Variants in CDH13 observed in about 807,000 individuals in gnomAD.
The protein encoded by CDH13 is cadherin-13.
Under a neutral mutation model 63.8 loss-of-function variants are expected in CDH13, and 24 were observed. That is an observed-to-expected ratio of 0.38 (90% CI 0.27 to 0.53). CDH13 has a LOEUF of 0.53. Ranked by LOEUF, CDH13 falls within the 20% of genes least tolerant of loss-of-function variation. The pLI, the probability that CDH13 is intolerant of heterozygous loss-of-function variation, is 0.85. For missense variants in CDH13, 1,049 were observed against 903.1 expected (o/e 1.16, Z -2.07); for synonymous variants, 503 against 355.3 (o/e 1.42, Z -4.67).
At chr16:83,582,901 C>T (rs1019800598) in intron 7 of CDH13, among the ~76,000 whole-genome samples, 2 of 152,204 alleles carry the variant, frequency 1.3e-5, no homozygotes, top group African/African-American at 4.8e-5. Context: ...GGAGTTTGCA[C>T]TTAACCATGT....
At chr16:82,937,201 G>C (rs980306665) in intron 2 of CDH13, among the ~76,000 whole-genome samples, 3 of 151,924 alleles carry the variant, frequency 2.0e-5, no homozygotes, top group East Asian at 1.9e-4. Flanking sequence ...TTTTTTTTCT[G>C]ATGCAGCTAT....
chr16:83,530,554 C>G (rs1312448064), intron 7 of CDH13, among the ~76,000 whole-genome samples: 1 of 152,206 alleles, frequency 6.6e-6, no homozygotes, highest in Non-Finnish European at 1.5e-5. Flanking sequence ...TTAATGGTCT[C>G]TGTGAGTCTA....
At chr16:83,157,762 A>G (rs1219754461) in intron 4 of CDH13, among the ~76,000 whole-genome samples, 1 of 141,668 alleles carries the variant, frequency 7.1e-6, no homozygotes. Flanking sequence ...AAAAAAAAAA[A>G]ATTATCTGGG....
At chr16:83,034,794 A>G (rs1030280833) in intron 3 of CDH13, among the ~76,000 whole-genome samples, 1 of 152,202 alleles carries the variant, frequency 6.6e-6, no homozygotes, top group Admixed American at 6.5e-5. Flanking sequence ...TGGGTTCATT[A>G]TGAAAACTCA....
At chr16:83,526,881 C>G (rs529392498) in intron 7 of CDH13, among the ~76,000 whole-genome samples, 146 of 152,258 alleles carry the variant, frequency 9.6e-4, no homozygotes, top group African/African-American at 3.4e-3. Context: ...CCCGTAATCC[C>G]AGCACTTTGG....
chr16:83,709,931 A>G (rs371645419), intron 10 of CDH13, among the ~76,000 whole-genome samples: 2 of 152,318 alleles, frequency 1.3e-5, no homozygotes, highest in South Asian at 2.1e-4. Context: ...ATATTTAAGA[A>G]ACATTATTCA....
intron 3 of CDH13, among the ~76,000 whole-genome samples, chr16:83,034,842 C>T (rs1916701839): frequency 6.6e-6 from 1 of 152,106 alleles, no homozygotes; most frequent in South Asian, 2.1e-4. Flanking sequence ...CTGTGAGATG[C>T]CATCCAGAGA....
In CDH13 at chr16:83,674,021, C is replaced by A. The variant is rs575360137; in HGVS notation, c.1284+3049C>A. The stretch of plus-strand genomic sequence containing the variant: ...AGGTCAGTAGGAAGGGCCTTGAGTT[C>A]TATCTGTCTCTCAGCACATGTGAGG... On this transcript the variant is annotated intron_variant, in intron 9 of 13. Transcript: ENST00000567109. Among the ~76,000 whole-genome samples the A allele has an allele frequency of 5.5e-4, 84 of 152,310 alleles. 3 individuals are homozygous for A. The South Asian group carries it at 0.015, about 28-fold the overall frequency.
At chr16:82,797,401 C>G (rs879196375) in intron 1 of CDH13, among the ~76,000 whole-genome samples, 1 of 152,174 alleles carries the variant, frequency 6.6e-6, no homozygotes, top group Admixed American at 6.5e-5. Context: ...CCAAAGGACT[C>G]GAGCTGCCGC....
At chr16:82,707,956 G>A (rs975969421) in intron 1 of CDH13, among the ~76,000 whole-genome samples, 11 of 152,188 alleles carry the variant, frequency 7.2e-5, no homozygotes, top group African/African-American at 2.7e-4. Context: ...TTTATGTCAT[G>A]TTTTGGTCCC....
chr16:82,806,881 A>AT (rs1285881932), intron 1 of CDH13, among the ~76,000 whole-genome samples: 2 of 152,272 alleles, frequency 1.3e-5, no homozygotes, highest in East Asian at 3.9e-4. Flanking sequence ...AAAAGGAGGA[A>AT]TTTGCAAAGA....
chr16:82,795,362 AAGGAG>A (rs1008391181), intron 1 of CDH13, among the ~76,000 whole-genome samples: 19 of 152,154 alleles, frequency 1.2e-4, no homozygotes, highest in Non-Finnish European at 2.2e-4. Context: ...AACCTAAACA[AAGGAG>A]AGGCACAGCA....
chr16:83,702,987 G>A (rs934868802), intron 10 of CDH13, among the ~76,000 whole-genome samples: 4 of 152,212 alleles, frequency 2.6e-5, no homozygotes, highest in Middle Eastern at 3.2e-3. Context: ...AGTCCTCTGG[G>A]TAGAGGCCAG....
At chr16:83,266,278 C>G (rs952917360) in intron 5 of CDH13, among the ~76,000 whole-genome samples, 4 of 152,090 alleles carry the variant, frequency 2.6e-5, no homozygotes, top group African/African-American at 9.7e-5. Context: ...AAATCAATAC[C>G]ATTACTACCC....
intron 4 of CDH13, among the ~76,000 whole-genome samples, chr16:83,209,321 T>C (rs1349767932): frequency 6.6e-6 from 1 of 152,192 alleles, no homozygotes; most frequent in East Asian, 1.9e-4. Context: ...ATGTTCCTCA[T>C]AGACAAGGAA....
chr16:83,658,022 A>G (rs374970800), intron 8 of CDH13, among the ~76,000 whole-genome samples: 3 of 141,626 alleles, frequency 2.1e-5, no homozygotes, highest in African/African-American at 5.5e-5. Context: ...TATCCTCACC[A>G]CCAGGTCCCA....
intron 8 of CDH13, among the ~76,000 whole-genome samples, chr16:83,647,656 T>G (rs1190864869): frequency 6.6e-6 from 1 of 152,194 alleles, no homozygotes; most frequent in Non-Finnish European, 1.5e-5. Context: ...TGACAGATTT[T>G]TCCATATTCG....
At chr16:83,778,610 A>G (rs562333386) in intron 11 of CDH13, among the ~76,000 whole-genome samples, 1 of 152,310 alleles carries the variant, frequency 6.6e-6, no homozygotes, top group African/African-American at 2.4e-5. Flanking sequence ...AAAATGAAAA[A>G]CATTTCAGGA....
chr16:83,396,036 C>T (rs971425700), intron 6 of CDH13, among the ~76,000 whole-genome samples: 1 of 152,184 alleles, frequency 6.6e-6, no homozygotes, highest in African/African-American at 2.4e-5. Context: ...TGAGTGGGAA[C>T]ATGTGGTATT....
Sources: allele counts gnomAD v4.1 joint callset (sites outside exome capture counted in the v4.1 genomes callset), GRCh38; gene constraint gnomAD v4.1.1; transcripts MANE v1.5; gene names NCBI Gene and HGNC (gene_info 2026-07-23, HGNC 2026-07-21).